Variants in ART1 observed in about 807,000 individuals in gnomAD.
The protein encoded by ART1 is GPI-linked NAD(P)(+)--arginine ADP-ribosyltransferase 1.
Under a neutral mutation model 27.0 loss-of-function variants are expected in ART1, and 29 were observed. The ratio of observed to expected loss-of-function variants is 1.08; its 90% CI spans 0.80 to 1.47. ART1 has a LOEUF of 1.47. Ranked by LOEUF, ART1 falls within the 40% of genes most tolerant of loss-of-function variation. The probability of loss-of-function intolerance (pLI) is 0.00; values close to 1 mark genes in which losing one functional copy is unlikely to be tolerated. For synonymous variants in ART1, 201 were observed against 172.2 expected (o/e 1.17, Z -1.31); for missense variants, 480 against 423.0 (o/e 1.13, Z -1.18).
chr11:3,646,997 T>A (rs1401955810), intron 1 of ART1, among the ~76,000 whole-genome samples: 1 of 152,020 alleles, frequency 6.6e-6, no homozygotes, highest in Non-Finnish European at 1.5e-5. Flanking sequence ...TCTTGCTACA[T>A]GAAAACCAAA....
intron 1 of ART1, among the ~76,000 whole-genome samples, chr11:3,658,617 TG>T (rs2077592803): frequency 6.6e-6 from 1 of 151,906 alleles, no homozygotes; most frequent in Admixed American, 6.6e-5. Flanking sequence ...CTGCAGGGAG[TG>T]GGGGCAACTG....
In ART1 at chr11:3,659,670, G is replaced by C. The variant is rs368360706; in HGVS notation, c.151G>C (p.Ala51Pro). ...MALASFDDQY[A>P]GCAAAMTAAL... ...CCTGGCCTCCTTTGATGACCAGTAC[G>C]CTGGCTGTGCTGCTGCCATGACAGC... is the stretch of plus-strand genomic sequence containing the variant. The change falls in exon 3 of 5, where the codon GCT becomes CCT. Residue 51 changes from alanine to proline, a missense_variant. By Grantham distance (27) the Ala-to-Pro change is conservative (BLOSUM62 -1). Transcript: ENST00000250693. 1.2e-4 allele frequency: 201 copies of C among 1,613,830 alleles called. 1 individual carries two copies. The South Asian group carries it at 1.9e-3, about 15-fold the overall frequency.
intron 1 of ART1, among the ~76,000 whole-genome samples, chr11:3,649,734 T>C (rs972041697): frequency 6.6e-6 from 1 of 152,174 alleles, no homozygotes; most frequent in African/African-American, 2.4e-5. Context: ...AATTTCCTCT[T>C]AAAAAGGTGG....
At chr11:3,652,546 G>C (rs138437317) in intron 1 of ART1, among the ~76,000 whole-genome samples, 11,209 of 151,968 alleles carry the variant, frequency 0.074, 872 homozygotes, top group African/African-American at 0.19. Flanking sequence ...GAAGTCAGAC[G>C]TGTCCTCAGA....
Position 3,661,269 on chromosome 11 carries a change from A to G in ART1, c.845-103A>G. On this transcript the variant is annotated intron_variant, in intron 3 of 4. Transcript: ENST00000250693. The stretch of plus-strand genomic sequence containing the variant: ...AGCAGAATTAGGGGGAAATGCACCA[A>G]CTTCTCCTAGAACAAGTCAGGGATG... The G allele has an allele frequency of 5.5e-6, 6 of 1,089,754 alleles. No homozygotes were observed. The South Asian group carries it at 9.5e-5, about 17-fold the overall frequency. The allele number at this position is 1,089,754 out of a possible 1,614,324, so 67.5% of individuals were successfully genotyped here.
At chr11:3,646,789 A>G (rs1417197155) in intron 1 of ART1, among the ~76,000 whole-genome samples, 1 of 152,110 alleles carries the variant, frequency 6.6e-6, no homozygotes, top group East Asian at 1.9e-4. Context: ...ACATTTCCCA[A>G]AGTGAACTCA....
At chr11:3,657,718 A>T (rs2077585538) in intron 1 of ART1, among the ~76,000 whole-genome samples, 1 of 152,180 alleles carries the variant, frequency 6.6e-6, no homozygotes, top group African/African-American at 2.4e-5. Context: ...CTGTCAAAAT[A>T]AAAAATATTC....
intron 1 of ART1, among the ~76,000 whole-genome samples, chr11:3,652,873 A>C (rs942091498): frequency 6.7e-6 from 1 of 150,196 alleles, no homozygotes; most frequent in African/African-American, 2.5e-5. Context: ...GAATCTCCTT[A>C]GGCACTCTCT....
intron 1 of ART1, among the ~76,000 whole-genome samples, chr11:3,656,373 TA>T (rs2077574494): frequency 4.1e-5 from 5 of 120,666 alleles, no homozygotes; most frequent in African/African-American, 1.3e-4. Context: ...TTTATTTATT[TA>T]TTTATTTATT....
At chr11:3,649,772 A>C (rs1251835868) in intron 1 of ART1, among the ~76,000 whole-genome samples, 1 of 152,176 alleles carries the variant, frequency 6.6e-6, no homozygotes, top group Non-Finnish European at 1.5e-5. Flanking sequence ...GTCAAGGTTA[A>C]TGCTCCTTTT....
rs1421320555 is a variant in ART1 at position 3,659,831 on chromosome 11, C to T, written c.312C>T (p.Ser104=). ...PEWSLSPTRP[S]PPPLGFRDEH... Reference sequence around the variant, plus strand: ...GGAGTCTCAGCCCCACCCGTCCATCCCCGCCACCCCTGGGCTTCCGCGATG... The same window carrying T: ...GGAGTCTCAGCCCCACCCGTCCATCTCCGCCACCCCTGGGCTTCCGCGATG... Residue 104 remains serine, a synonymous_variant, in exon 3 of 5, where the codon TCC becomes TCT. Transcript: ENST00000250693. The T allele has an allele frequency of 6.2e-7, 1 of 1,612,062 alleles. No homozygotes were observed. The highest frequency in any genetic ancestry group is 1.3e-5 in the African/African-American group (1 of 74,944).
intron 4 of ART1, chr11:3,663,782 T>G: frequency 7.4e-6 from 2 of 268,512 alleles, no homozygotes; most frequent in Non-Finnish European, 1.4e-5. Flanking sequence ...TAGAGAAGGG[T>G]TCTCCCTATG....
chr11:3,654,854 A>G (rs1272173566), intron 1 of ART1, among the ~76,000 whole-genome samples: 1 of 152,210 alleles, frequency 6.6e-6, no homozygotes, highest in Non-Finnish European at 1.5e-5. Flanking sequence ...CCATGTCCTC[A>G]GTCTGCCTTC....
intron 1 of ART1, among the ~76,000 whole-genome samples, chr11:3,650,916 C>T (rs913080363): frequency 6.9e-6 from 1 of 145,886 alleles, no homozygotes; most frequent in Non-Finnish European, 1.5e-5. Context: ...TCTTACCCCG[C>T]TCAATGCCAG....
chr11:3,659,620 C>G lies in ART1; in HGVS notation c.101C>G (p.Ser34Cys). 6.2e-7 allele frequency: 1 copy of G among 1,612,032 alleles called. No homozygotes were observed. Among genetic ancestry groups the G allele is most frequent in the African/African-American group, 1.3e-5 (1 of 75,056 alleles). ...CCCATCACACGACGAGACCTCTTCT[C>G]TCAAGAGATTCAGCTGGACATGGCC... ...SHPITRRDLF[S>C]QEIQLDMALA... is the part of the protein sequence containing the mutation. The change falls in exon 3 of 5, where the codon TCT becomes TGT. Residue 34 changes from serine to cysteine, a missense_variant. Coordinates refer to ENST00000250693, the MANE Select transcript of ART1 (RefSeq NM_004314.3).
chr11:3,648,500 C>T (rs1053446366), intron 1 of ART1, among the ~76,000 whole-genome samples: 4 of 152,142 alleles, frequency 2.6e-5, no homozygotes, highest in African/African-American at 7.2e-5. Context: ...CCTCACTATC[C>T]CTCAACCTCT....
chr11:3,660,191 C>G lies in ART1; in HGVS notation c.672C>G (p.Cys224Trp). ...ACACCTTCTTCGGCATCTGGACCTG[C>G]CTTGGGGCCCCTATCAAGGGCTACT... ...GEDTFFGIWT[C>W]LGAPIKGYSF... Residue 224 changes from cysteine to tryptophan, a missense_variant, in exon 3 of 5, where the codon TGC becomes TGG. Coordinates refer to ENST00000250693, the MANE Select transcript of ART1 (RefSeq NM_004314.3). 2 of 1,614,068 alleles carry G rather than the reference C, an allele frequency of 1.2e-6. No individual in the cohort carries two copies. The highest frequency in any genetic ancestry group is 1.7e-6 in the Non-Finnish European group (2 of 1,180,044).
At chr11:3,658,091 G>C (rs1040005890) in intron 1 of ART1, among the ~76,000 whole-genome samples, 3 of 152,050 alleles carry the variant, frequency 2.0e-5, no homozygotes, top group Non-Finnish European at 4.4e-5. Context: ...CCAACATTTT[G>C]GGAGGCTGAG....
chr11:3,660,063 C>T lies in ART1; in HGVS notation c.544C>T (p.His182Tyr). 1 of 1,613,576 alleles carries T rather than the reference C, an allele frequency of 6.2e-7. No homozygotes were observed. ...GTGCCACCAGGTGTTCCGAGGTGTG[C>T]ACGGCCTGCGCTTCCGGCCAGCAGG... Reference protein sequence around the residue: ...PRCHQVFRGVHGLRFRPAGPR... With the variant: ...PRCHQVFRGVYGLRFRPAGPR... The change falls in exon 3 of 5, where the codon CAC (histidine) becomes TAC (tyrosine). Residue 182 changes from histidine to tyrosine, a missense_variant. His to Tyr is a moderately conservative substitution (Grantham distance 83). Transcript: ENST00000250693.
Sources: allele counts gnomAD v4.1 joint callset (sites outside exome capture counted in the v4.1 genomes callset), GRCh38; gene constraint gnomAD v4.1.1; transcripts MANE v1.5; gene names NCBI Gene and HGNC (gene_info 2026-07-23, HGNC 2026-07-21).